TRPM4: variants seen among roughly 807,000 people sequenced by gnomAD.
TRPM4 encodes the protein transient receptor potential cation channel subfamily M member 4.
TRPM4 carries 124 observed loss-of-function variants against 135.6 expected under a neutral mutation model. The observed-to-expected ratio is 0.91, with a 90% CI of 0.79 to 1.06. TRPM4 has a LOEUF of 1.06. TRPM4 is among the 50% of genes least tolerant of loss of function. The pLI is 0.00. For missense variants in TRPM4, 1,658 were observed against 1,671.4 expected, an observed-to-expected ratio of 0.99 and a Z score of 0.14; for synonymous variants, 745 against 705.6, an observed-to-expected ratio of 1.06 and a Z score of -0.88.
chr19:49,168,605 A>G lies in TRPM4; in HGVS notation c.665A>G (p.Gln222Arg). Residue 222 changes from glutamine to arginine, a missense_variant, in exon 6 of 25, where the codon CAG becomes CGG. By Grantham distance (43) the Gln-to-Arg change is conservative. This residue lies in a region of TRPM4 where 1,412 missense variants were observed against 1,408.7 expected (regional missense o/e 1.00). Coordinates refer to ENST00000252826, the MANE Select transcript of TRPM4 (RefSeq NM_017636.4). ...CGCGGTGACCCGGAGGACGGGGTCCAGTTTCCCCTGGACTACAACTACTCG... is the reference window on the plus strand; with the variant it reads ...CGCGGTGACCCGGAGGACGGGGTCCGGTTTCCCCTGGACTACAACTACTCG... ...RWRGDPEDGV[Q>R]FPLDYNYSAF... The G allele has an allele frequency of 6.2e-7, 1 of 1,613,754 alleles. No individual in the cohort carries two copies. Among genetic ancestry groups the G allele is most frequent in the South Asian group, 1.1e-5 (1 of 91,082 alleles).
chr19:49,161,323 C>CT (rs67808134), intron 2 of TRPM4, among the ~76,000 whole-genome samples: 39,635 of 100,656 alleles, frequency 0.39, 9,062 homozygotes, highest in Non-Finnish European at 0.49. Flanking sequence ...GTCTCTCTCT[C>CT]TTTTTTTTTT....
At chr19:49,164,960 C>T (rs982936458) in intron 2 of TRPM4, among the ~76,000 whole-genome samples, 4 of 151,466 alleles carry the variant, frequency 2.6e-5, no homozygotes, top group Non-Finnish European at 5.9e-5. Flanking sequence ...CACAGCTGGT[C>T]TCGAACTCCT....
rs752210184 is a variant in TRPM4 at position 49,200,799 on chromosome 19, C to A, written c.2953+14C>A. ...AGGACATGGACGGTAGGGGGGATGA[C>A]GGCCTGACAGCCTTCCTCTGAGTCT... On this transcript the variant is annotated intron_variant, in intron 19 of 24. Transcript: ENST00000252826. 5 of 1,613,334 alleles carry A rather than the reference C, an allele frequency of 3.1e-6. No individual in the cohort carries two copies. Among genetic ancestry groups the A allele is most frequent in the African/African-American group, 1.3e-5 (1 of 75,008 alleles).
At chr19:49,201,766 A>C (rs1276925135) in intron 19 of TRPM4, among the ~76,000 whole-genome samples, 198 bp from the exon 20 acceptor site, 1 of 151,938 alleles carries the variant, frequency 6.6e-6, no homozygotes, top group Non-Finnish European at 1.5e-5. Flanking sequence ...CCTGGCTAAC[A>C]GTTTTGTGTT....
chr19:49,172,040 T>C lies in TRPM4; in HGVS notation c.1082T>C (p.Leu361Pro). 1 of 1,614,070 alleles carries C rather than the reference T, an allele frequency of 6.2e-7. No individual in the cohort carries two copies. The highest frequency in any genetic ancestry group is 2.2e-5 in the East Asian group (1 of 44,882). Residue 361 changes from leucine to proline, a missense_variant, in exon 9 of 25, where the codon CTG (leucine) becomes CCG (proline). By Grantham distance (98) the Leu-to-Pro change is moderately conservative (BLOSUM62 -3). Coordinates refer to ENST00000252826, the MANE Select transcript of TRPM4 (RefSeq NM_017636.4). ...AGGATTATGACCCGGAAGGAGCTCC[T>C]GACAGTCTATTCTTCTGAGGATGGG... ...VERIMTRKELLTVYSSEDGSE... is the reference protein window; with the variant it reads ...VERIMTRKELPTVYSSEDGSE...
At chr19:49,166,425 T>TCC (rs1967183027) in intron 3 of TRPM4, among the ~76,000 whole-genome samples, 2 of 151,598 alleles carry the variant, frequency 1.3e-5, no homozygotes, top group African/African-American at 2.4e-5. Context: ...TGTCTCCGTG[T>TCC]CCCTCTCTCT....
At position 49,171,936 on chromosome 19, in the gene TRPM4, A is replaced by G; in HGVS notation, c.1051-73A>G. On this transcript the variant is annotated intron_variant, in intron 8 of 24. Coordinates refer to ENST00000252826, the MANE Select transcript of TRPM4 (RefSeq NM_017636.4). This position sits in a 1 kb window ranked among gnomAD's most constrained non-coding sequence, Gnocchi z 4.7. Reference sequence around the variant, plus strand: ...GTCCTGGAGGGGAATGGCCTCCTCCATCCCTTTGGACAGGGCCCAACAGGA... The same window carrying G: ...GTCCTGGAGGGGAATGGCCTCCTCCGTCCCTTTGGACAGGGCCCAACAGGA... 2 of 1,433,964 alleles carry G rather than the reference A, an allele frequency of 1.4e-6. No individual in the cohort carries two copies. 88.8% of individuals were successfully genotyped at this position (1,433,964 alleles called of 1,614,324 possible). A position where few individuals can be genotyped will look rare whatever the true frequency, so the allele number is the denominator to read the frequency against.
chr19:49,207,409 C>T (rs113517805), intron 20 of TRPM4, among the ~76,000 whole-genome samples: 8,438 of 151,850 alleles, frequency 0.056, 699 homozygotes, highest in African/African-American at 0.17. Context: ...GTGGGAGGAT[C>T]ACTTGAGGCC....
At chr19:49,179,047 T>C (rs1351674631) in intron 9 of TRPM4, among the ~76,000 whole-genome samples, 3 of 146,490 alleles carry the variant, frequency 2.0e-5, no homozygotes, top group Non-Finnish European at 4.5e-5. Context: ...TGTGAGCCAC[T>C]GTGCCCGGCC....
intron 6 of TRPM4, among the ~76,000 whole-genome samples, chr19:49,170,810 G>A (rs1004408655): frequency 6.6e-6 from 1 of 152,090 alleles, no homozygotes; most frequent in Non-Finnish European, 1.5e-5. Context: ...GGCCAGGCGC[G>A]CTGGCTCACA....
intron 9 of TRPM4, among the ~76,000 whole-genome samples, chr19:49,175,066 G>GTTTTT (rs1235125121): frequency 4.6e-5 from 5 of 108,794 alleles, no homozygotes; most frequent in Non-Finnish European, 8.6e-5. Flanking sequence ...ATCATGCCTG[G>GTTTTT]CTTTTTTTTT....
chr19:49,197,314 T>C (rs942677586), intron 17 of TRPM4, among the ~76,000 whole-genome samples: 3 of 79,264 alleles, frequency 3.8e-5, no homozygotes, highest in East Asian at 3.6e-4. Flanking sequence ...TTCTTTTTCT[T>C]TCTTTCTTTC....
chr19:49,169,195 A>T (rs1568460359), intron 6 of TRPM4, among the ~76,000 whole-genome samples: 3 of 151,224 alleles, frequency 2.0e-5, no homozygotes, highest in Non-Finnish European at 4.4e-5. Flanking sequence ...GCAATACTCC[A>T]TCTCAAACAA....
In TRPM4 at chr19:49,182,694, G is replaced by T. The variant is rs145755269; in HGVS notation, c.1380G>T (p.Leu460=). 27 of 1,614,030 alleles carry T rather than the reference G, an allele frequency of 1.7e-5. No homozygotes were observed. Among genetic ancestry groups the T allele is most frequent in the Non-Finnish European group, 2.2e-5 (26 of 1,180,014 alleles). ...GCCACTTCCTGACCCCGATGCGCCT[G>T]GCCCAACTCTACAGCGCGGCGCCCT... is the stretch of plus-strand genomic sequence containing the variant. ...SLGHFLTPMR[L]AQLYSAAPSN... Residue 460 remains leucine (L), a synonymous_variant, in exon 11 of 25, where the codon CTG becomes CTT. Coordinates refer to ENST00000252826, the MANE Select transcript of TRPM4 (RefSeq NM_017636.4).
chr19:49,179,597 A>G (rs548084401), intron 9 of TRPM4, among the ~76,000 whole-genome samples: 28 of 152,268 alleles, frequency 1.8e-4, no homozygotes, highest in African/African-American at 6.5e-4. Context: ...CGATCCGCCC[A>G]TCTTGGCCTC....
At chr19:49,174,743 C>CAAAAA (rs34163341) in intron 9 of TRPM4, among the ~76,000 whole-genome samples, 1 of 94,530 alleles carries the variant, frequency 1.1e-5, no homozygotes, top group African/African-American at 4.0e-5. Flanking sequence ...GACTCTGTCT[C>CAAAAA]AAAAAAAAAA....
chr19:49,197,073 A>G (rs1027535594), intron 17 of TRPM4, among the ~76,000 whole-genome samples, 199 bp downstream of exon 17: 1 of 152,180 alleles, frequency 6.6e-6, no homozygotes, highest in Non-Finnish European at 1.5e-5. Context: ...ATCTGGCTTC[A>G]GGGACGGCAG....
At chr19:49,168,487 A>AG in intron 5 of TRPM4, 64 bp downstream of exon 5, 1 of 1,613,416 alleles carries the variant, frequency 6.2e-7, no homozygotes, top group South Asian at 1.1e-5. Context: ...AGGGAGGAGG[A>AG]GGGGCTCGTG....
chr19:49,158,007 A>G, intron 1 of TRPM4, 117 bp downstream of exon 1: 16 of 1,345,928 alleles, frequency 1.2e-5, no homozygotes, highest in Non-Finnish European at 1.6e-5. Context: ...GGGGGATGGG[A>G]GGGTCCAGGT....
Sources: gnomAD v4.1 joint callset for allele counts (sites outside exome capture counted in the v4.1 genomes callset) on GRCh38, gnomAD v4.1.1 for gene constraint, gnomAD v4.1.1 regional missense constraint, Gnocchi (gnomAD v3.1) non-coding constraint, MANE v1.5 for transcripts, NCBI Gene and HGNC (gene_info 2026-07-23, HGNC 2026-07-21) for gene names.